Variants in RGS22 observed in about 807,000 individuals in gnomAD.
The protein encoded by RGS22 is regulator of G protein signaling 22.
Under a neutral mutation model 172.9 loss-of-function variants are expected in RGS22, and 148 were observed. The observed-to-expected ratio is 0.86, with a 90% CI of 0.75 to 0.98. The LOEUF (loss-of-function observed/expected upper bound fraction) is 0.98, where lower values mean the gene tolerates loss of function less well. Ranked by LOEUF, RGS22 falls within the 50% of genes least tolerant of loss-of-function variation. RGS22 has a pLI of 0.00. For synonymous variants in RGS22, 458 were observed against 480.2 expected (o/e 0.95, Z 0.60); for missense variants, 1,347 against 1,440.8 (o/e 0.93, Z 1.05).
intron 10 of RGS22, among the ~76,000 whole-genome samples, chr8:100,052,260 T>C (rs1172433045): frequency 7.1e-6 from 1 of 140,040 alleles, no homozygotes; most frequent in Admixed American, 7.5e-5. Flanking sequence ...TATAAATGTA[T>C]ATAAATGTAT....
intron 18 of RGS22, among the ~76,000 whole-genome samples, chr8:100,001,202 T>TTATATATATATATATATACA (rs1554611095): frequency 0.19 from 23,011 of 120,244 alleles, 3,040 homozygotes; most frequent in East Asian, 0.27. Flanking sequence ...TCCCAATTTT[T>TTATATATATATATATATACA]TATATATATA....
intron 10 of RGS22, among the ~76,000 whole-genome samples, chr8:100,049,151 C>G (rs973320139): frequency 6.6e-6 from 1 of 151,958 alleles, no homozygotes. Flanking sequence ...AACAAAAAAG[C>G]CTGAGGAAGG....
intron 6 of RGS22, among the ~76,000 whole-genome samples, chr8:100,068,821 C>T (rs1810728240): frequency 6.6e-6 from 1 of 151,624 alleles, no homozygotes; most frequent in African/African-American, 2.4e-5. Flanking sequence ...GTAGTCCCAG[C>T]TACTTGGGGG....
intron 13 of RGS22, 43 bp from the exon 14 acceptor site, chr8:100,039,075 TA>T: frequency 9.1e-7 from 1 of 1,103,532 alleles, no homozygotes; most frequent in Non-Finnish European, 1.3e-6. Context: ...ACCCAATTAT[TA>T]AAACTCTTAC....
chr8:99,985,380 G>A (rs1474372657), intron 21 of RGS22, among the ~76,000 whole-genome samples: 2 of 152,188 alleles, frequency 1.3e-5, no homozygotes, highest in African/African-American at 2.4e-5. Context: ...TGGAATAAAT[G>A]CCTTCCAACT....
intron 21 of RGS22, among the ~76,000 whole-genome samples, chr8:99,983,333 C>T (rs1310186495): frequency 6.6e-6 from 1 of 152,130 alleles, no homozygotes; most frequent in Non-Finnish European, 1.5e-5. Context: ...AATGGGATGG[C>T]TGGGTCAAAT....
intron 14 of RGS22, among the ~76,000 whole-genome samples, chr8:100,012,954 A>G (rs1412522155): frequency 6.7e-6 from 1 of 150,236 alleles, no homozygotes; most frequent in Non-Finnish European, 1.5e-5. Flanking sequence ...AAGTTCTCAT[A>G]TAGAAATCAG....
At chr8:100,105,587 G>A (rs1813872288) in intron 1 of RGS22, 185 bp from the exon 2 acceptor site, 1 of 621,808 alleles carries the variant, frequency 1.6e-6, no homozygotes, top group South Asian at 2.0e-5. Context: ...AAGTGGGAAG[G>A]AAAGGCCTCT....
In RGS22 at chr8:100,072,190, T is replaced by C; in HGVS notation, c.380A>G (p.Glu127Gly). 6.2e-7 allele frequency: 1 copy of C among 1,605,292 alleles called. No homozygotes were observed. Among genetic ancestry groups the C allele is most frequent in the Non-Finnish European group, 8.5e-7 (1 of 1,176,300 alleles). The change falls in exon 5 of 28, where the codon GAA (glutamate) becomes GGA (glycine). Residue 127 changes from glutamate (E) to glycine (G), a missense_variant. Transcript: ENST00000360863. ...REEGIKWIKK[E>G]RLPAFLESDC... ...ACTTTCCAGAAATGCTGGAAGTCTT[T>C]CTTTTTTGATCCACTTAATACCTTC... is the stretch of plus-strand genomic sequence containing the variant.
chr8:100,048,538 T>C (rs1159296840), intron 10 of RGS22, among the ~76,000 whole-genome samples: 2 of 152,168 alleles, frequency 1.3e-5, no homozygotes, highest in Non-Finnish European at 2.9e-5. Context: ...ATACTTTTAA[T>C]GTTTTATTAT....
chr8:100,042,168 C>T (rs1820209008), intron 11 of RGS22, among the ~76,000 whole-genome samples: 1 of 151,840 alleles, frequency 6.6e-6, no homozygotes, highest in African/African-American at 2.4e-5. Flanking sequence ...ATTATAGATG[C>T]CAAATGACTG....
At chr8:100,000,414 C>T (rs1423602642) in intron 18 of RGS22, among the ~76,000 whole-genome samples, 2 of 152,036 alleles carry the variant, frequency 1.3e-5, no homozygotes, top group Admixed American at 6.6e-5. Context: ...GACTACCTTG[C>T]TAATCAAAGA....
At position 100,008,145 on chromosome 8, in the gene RGS22, C is replaced by G. The variant is rs188766450; in HGVS notation, c.2361+230G>C. 4.9e-4 allele frequency among the ~76,000 whole-genome samples: 74 copies of G among 151,750 alleles called. 1 individual carries two copies. In the East Asian group the frequency reaches 0.014, roughly 28 times the overall value. On this transcript the variant is annotated intron_variant, in intron 15 of 27. Transcript: ENST00000360863. Reference sequence around the variant, plus strand: ...CTCTACCTCCCAGGTTCAAGCAATTCTCCTGCCTCAGACTCCCAAGTAGCT... The same window carrying G: ...CTCTACCTCCCAGGTTCAAGCAATTGTCCTGCCTCAGACTCCCAAGTAGCT...
intron 9 of RGS22, 84 bp from the exon 10 acceptor site, chr8:100,053,060 G>A (rs1821852826): frequency 2.4e-6 from 3 of 1,228,874 alleles, no homozygotes; most frequent in African/African-American, 1.5e-5. Flanking sequence ...TAATAGCTGT[G>A]CTCACAATTA....
chr8:100,013,503 TA>T (rs1340368584), intron 14 of RGS22, among the ~76,000 whole-genome samples: 1 of 152,238 alleles, frequency 6.6e-6, no homozygotes, highest in Non-Finnish European at 1.5e-5. Flanking sequence ...ACGTGTGATT[TA>T]GATAGTCTAC....
Position 99,987,447 on chromosome 8 carries a change from C to T in RGS22, c.3180+11G>A. Reference sequence around the variant, plus strand: ...AAAACAGGTGGTTTTCTCTAGCTCCCAATACAATACCTTATATTTTTGTAC... The same window carrying T: ...AAAACAGGTGGTTTTCTCTAGCTCCTAATACAATACCTTATATTTTTGTAC... On this transcript the variant is annotated intron_variant, in intron 21 of 27. Transcript: ENST00000360863. 6.4e-7 allele frequency: 1 copy of T among 1,571,916 alleles called. No homozygotes were observed. Among genetic ancestry groups the T allele is most frequent in the Non-Finnish European group, 8.6e-7 (1 of 1,156,638 alleles).
chr8:100,098,840 T>TTTATA (rs1386644257), intron 2 of RGS22, among the ~76,000 whole-genome samples: 11 of 42,728 alleles, frequency 2.6e-4, no homozygotes, highest in Non-Finnish European at 3.5e-4. Context: ...CCCTTTTATT[T>TTTATA]TTTTATTTAT....
At chr8:100,077,172 G>A (rs1003084591) in intron 4 of RGS22, among the ~76,000 whole-genome samples, 2 of 151,646 alleles carry the variant, frequency 1.3e-5, no homozygotes, top group Non-Finnish European at 2.9e-5. Flanking sequence ...CTGGCTAAAA[G>A]GTTATCAATT....
intron 24 of RGS22, 148 bp downstream of exon 24, chr8:99,965,187 A>G (rs1288263255): frequency 4.4e-6 from 2 of 454,736 alleles, no homozygotes; most frequent in Non-Finnish European, 7.8e-6. Context: ...AGGCTCAAAG[A>G]AACTCCCTTC....
Sources: gnomAD v4.1 joint callset for allele counts (sites outside exome capture counted in the v4.1 genomes callset) on GRCh38, gnomAD v4.1.1 for gene constraint, MANE v1.5 for transcripts, NCBI Gene and HGNC (gene_info 2026-07-23, HGNC 2026-07-21) for gene names.